Variants in STUM observed in about 807,000 individuals in gnomAD.
STUM encodes the protein protein stum homolog.
In STUM, 8 loss-of-function variants were observed where a neutral mutation model predicts 15.3. That is an observed-to-expected ratio of 0.52 (90% CI 0.31 to 0.94). STUM has a LOEUF of 0.94. Among genes scored for constraint, STUM ranks in the 40% least tolerant of loss-of-function variants. The pLI is 0.05. For missense variants in STUM, 142 were observed against 204.9 expected (o/e 0.69, Z 1.87); for synonymous variants, 78 against 88.7 (o/e 0.88, Z 0.68).
chr1:226,550,227 T>A (rs1356337551), intron 1 of STUM, among the ~76,000 whole-genome samples: 1 of 152,190 alleles, frequency 6.6e-6, no homozygotes, highest in African/African-American at 2.4e-5. Context: ...CTTCGCCTGC[T>A]TAGCAGGGGC....
In STUM at chr1:226,600,796, T is replaced by C. The variant is rs1571815511; in HGVS notation, c.391+122T>C. ...CTCCCAGTGGGTCAATGGGCTTTTA[T>C]GTTTAGCTTGAACTTTTGGTTTGGA... On this transcript the variant is annotated intron_variant, in intron 3 of 3. Transcript: ENST00000366788. The surrounding 1 kb of genome is among the most constrained non-coding windows in gnomAD (Gnocchi z 5.2). 2 of 1,083,842 alleles carry C rather than the reference T, an allele frequency of 1.8e-6. No homozygotes were observed. Among genetic ancestry groups the C allele is most frequent in the Non-Finnish European group, 2.8e-6 (2 of 727,024 alleles). The allele number at this position is 1,083,842 out of a possible 1,614,324, so 67.1% of individuals were successfully genotyped here.
intron 1 of STUM, among the ~76,000 whole-genome samples, chr1:226,586,321 A>C (rs1442995050): frequency 6.6e-6 from 1 of 152,124 alleles, no homozygotes. Flanking sequence ...GAGCTCACAC[A>C]CACTGGGCTG....
intron 1 of STUM, among the ~76,000 whole-genome samples, chr1:226,573,253 GA>G (rs1336282022): frequency 3.4e-4 from 52 of 152,222 alleles, no homozygotes; most frequent in African/African-American, 1.3e-3. Flanking sequence ...CAGGTTTGAT[GA>G]ACCTGATGTT....
chr1:226,595,745 G>A (rs192322383), intron 1 of STUM, among the ~76,000 whole-genome samples: 28 of 152,292 alleles, frequency 1.8e-4, no homozygotes, highest in Non-Finnish European at 1.6e-4. Flanking sequence ...AAGGTGCTAC[G>A]CTGCTGGCGG....
At position 226,565,759 on chromosome 1, in the gene STUM, C is replaced by T. The variant is rs1367646816; in HGVS notation, c.202+16653C>T. Among the ~76,000 whole-genome samples, 4 of 152,212 alleles carry T rather than the reference C, an allele frequency of 2.6e-5. No individual in the cohort carries two copies. Among genetic ancestry groups the T allele is most frequent in the Non-Finnish European group, 5.9e-5 (4 of 68,042 alleles). On this transcript the variant is annotated intron_variant, in intron 1 of 3. Transcript: ENST00000366788. The surrounding 1 kb of genome is among the most constrained non-coding windows in gnomAD (Gnocchi z 4.4). Reference sequence around the variant, plus strand: ...GCTTGGCTCAGAGATCTCTGGGCTGCACCTCCTGCCCAGAGGATTCCCCAG... The same window carrying T: ...GCTTGGCTCAGAGATCTCTGGGCTGTACCTCCTGCCCAGAGGATTCCCCAG...
intron 1 of STUM, among the ~76,000 whole-genome samples, chr1:226,582,436 G>A (rs1327308767): frequency 6.6e-6 from 1 of 151,960 alleles, no homozygotes; most frequent in South Asian, 2.1e-4. Flanking sequence ...GTACTAAAAA[G>A]TACAAAAAAT....
At chr1:226,594,208 G>GCCAC (rs1668135162) in intron 1 of STUM, among the ~76,000 whole-genome samples, 1 of 152,092 alleles carries the variant, frequency 6.6e-6, no homozygotes, top group Admixed American at 6.5e-5. Context: ...GAAACTGTAG[G>GCCAC]AGCCAGCGAG....
intron 1 of STUM, among the ~76,000 whole-genome samples, chr1:226,576,300 G>A (rs1667814245): frequency 6.6e-6 from 1 of 152,246 alleles, no homozygotes; most frequent in Non-Finnish European, 1.5e-5. Context: ...TATGGGCCTG[G>A]GATGGCTGGG....
intron 1 of STUM, among the ~76,000 whole-genome samples, chr1:226,585,740 A>G: frequency 6.6e-6 from 1 of 152,240 alleles, no homozygotes; most frequent in East Asian, 1.9e-4. Flanking sequence ...TGAAGCACTC[A>G]GTAGGTACTT....
intron 1 of STUM, among the ~76,000 whole-genome samples, chr1:226,576,080 C>T (rs1273455038): frequency 1.3e-5 from 2 of 152,242 alleles, no homozygotes; most frequent in Non-Finnish European, 2.9e-5. Context: ...TCTGTCTGAC[C>T]CTGTGATTCT....
chr1:226,577,213 G>C (rs1377870315), intron 1 of STUM, among the ~76,000 whole-genome samples: 1 of 152,232 alleles, frequency 6.6e-6, no homozygotes, highest in Non-Finnish European at 1.5e-5. Context: ...TGGCTGTGCT[G>C]CCTTTGAAGG....
chr1:226,599,975 C>T (rs1167836770), intron 2 of STUM, among the ~76,000 whole-genome samples: 1 of 152,208 alleles, frequency 6.6e-6, no homozygotes, highest in Non-Finnish European at 1.5e-5. Flanking sequence ...TATGTGGCTC[C>T]TCTCCATAGA....
At chr1:226,593,055 G>A (rs1006195467) in intron 1 of STUM, among the ~76,000 whole-genome samples, 1 of 152,132 alleles carries the variant, frequency 6.6e-6, no homozygotes, top group East Asian at 1.9e-4. Context: ...GCATGATGGT[G>A]CATGCCTGTA....
In STUM at chr1:226,567,975, C is replaced by A. The variant is rs1191923314; in HGVS notation, c.202+18869C>A. ...GTCTGGCTGAGCACTGATCTCCATTCCTTGGAAGCCAAACCTGAGACACCC... is the reference window on the plus strand; with the variant it reads ...GTCTGGCTGAGCACTGATCTCCATTACTTGGAAGCCAAACCTGAGACACCC... On this transcript the variant is annotated intron_variant, in intron 1 of 3. Coordinates refer to ENST00000366788, the MANE Select transcript of STUM (RefSeq NM_001003665.4). The surrounding 1 kb of genome is among the most constrained non-coding windows in gnomAD (Gnocchi z 4.5). Among the ~76,000 whole-genome samples the A allele has an allele frequency of 6.6e-6, 1 of 152,208 alleles. No individual in the cohort carries two copies. The highest frequency in any genetic ancestry group is 1.5e-5 in the Non-Finnish European group (1 of 68,032).
At chr1:226,559,953 A>G (rs560456773) in intron 1 of STUM, among the ~76,000 whole-genome samples, 38 of 138,400 alleles carry the variant, frequency 2.7e-4, no homozygotes, top group East Asian at 6.4e-4. Context: ...CAGCCTGGGC[A>G]ACAGAGCAAG....
chr1:226,591,715 A>G (rs1668088499), intron 1 of STUM, among the ~76,000 whole-genome samples: 1 of 152,248 alleles, frequency 6.6e-6, no homozygotes, highest in African/African-American at 2.4e-5. Flanking sequence ...AAGTTTCCTT[A>G]TGCTCAAAAC....
At chr1:226,559,187 T>G (rs1667497583) in intron 1 of STUM, among the ~76,000 whole-genome samples, 1 of 152,214 alleles carries the variant, frequency 6.6e-6, no homozygotes, top group Non-Finnish European at 1.5e-5. Flanking sequence ...AGCAGAGCAC[T>G]CAGTCCAGCT....
At position 226,609,105 on chromosome 1, in the gene STUM, CTT is replaced by C. The variant is rs1239103141; in HGVS notation, c.*7067_*7068del. 2.0e-5 allele frequency: 3 copies of C among 152,220 alleles called. No individual in the cohort carries two copies. The highest frequency in any genetic ancestry group is 4.4e-5 in the Non-Finnish European group (3 of 68,042). The allele number at this position is 152,220 out of a possible 1,614,324, so 9.4% of individuals were successfully genotyped here. A position where few individuals can be genotyped will look rare whatever the true frequency, so the allele number is the denominator to read the frequency against. ...TATAAATATATAAAGCATGACATCT[CTT>C]TGGCATTCCAAGTTTGTGTTTTTTT... On this transcript the variant is annotated 3_prime_UTR_variant, in exon 4 of 4. Coordinates refer to ENST00000366788, the MANE Select transcript of STUM (RefSeq NM_001003665.4).
intron 1 of STUM, among the ~76,000 whole-genome samples, chr1:226,555,661 G>A (rs1329633591): frequency 6.6e-6 from 1 of 152,132 alleles, no homozygotes; most frequent in Non-Finnish European, 1.5e-5. Context: ...CTGCTTGTCC[G>A]TACTCATGTC....
Sources: gnomAD v4.1 joint callset for allele counts (sites outside exome capture counted in the v4.1 genomes callset) on GRCh38, gnomAD v4.1.1 for gene constraint, Gnocchi (gnomAD v3.1) non-coding constraint, MANE v1.5 for transcripts, NCBI Gene and HGNC (gene_info 2026-07-23, HGNC 2026-07-21) for gene names.